UBE2G1: variants seen among roughly 807,000 people sequenced by gnomAD.
UBE2G1 encodes ubiquitin conjugating enzyme E2 G1.
In UBE2G1, 5 loss-of-function variants were observed where a neutral mutation model predicts 22.7. The ratio of observed to expected loss-of-function variants is 0.22; its 90% CI spans 0.12 to 0.46. The LOEUF (loss-of-function observed/expected upper bound fraction) is 0.46, where lower values mean the gene tolerates loss of function less well. Ranked by LOEUF, UBE2G1 falls within the 20% of genes least tolerant of loss-of-function variation. UBE2G1 has a pLI of 0.99. For missense variants in UBE2G1, 88 were observed against 203.9 expected, an observed-to-expected ratio of 0.43 and a Z score of 3.46; for synonymous variants, 74 against 67.5, an observed-to-expected ratio of 1.10 and a Z score of -0.47.
At position 4,340,607 on chromosome 17, in the gene UBE2G1, T is replaced by C. The variant is rs1175179403; in HGVS notation, c.46+25664A>G. 2.6e-5 allele frequency among the ~76,000 whole-genome samples: 4 copies of C among 152,174 alleles called. No homozygotes were observed. The South Asian group carries it at 6.2e-4, about 24-fold the overall frequency. ...TGCACTTCTCTCTCCTGCCGCCATG[T>C]TGAAGAAGGATGTTTGCTTCCCTTT... is the stretch of plus-strand genomic sequence containing the variant. On this transcript the variant is annotated intron_variant, in intron 1 of 5. Transcript: ENST00000396981.
rs529730007 is a variant in UBE2G1 at position 4,280,614 on chromosome 17, G to T, written c.*37+2184C>A. Among the ~76,000 whole-genome samples, 51 of 151,164 alleles carry T rather than the reference G, an allele frequency of 3.4e-4. No individual in the cohort carries two copies. The South Asian group carries it at 9.8e-3, about 29-fold the overall frequency. The stretch of plus-strand genomic sequence containing the variant: ...AACCTCCCAAAATGCTGGGTTACAG[G>T]CATGAGCCACCATGCCCGGCTGGGA... On this transcript the variant is annotated intron_variant, in intron 5 of 5. Coordinates refer to ENST00000396981, the MANE Select transcript of UBE2G1 (RefSeq NM_003342.5).
At chr17:4,336,954 A>C (rs1969655193) in intron 1 of UBE2G1, among the ~76,000 whole-genome samples, 1 of 152,164 alleles carries the variant, frequency 6.6e-6, no homozygotes, top group African/African-American at 2.4e-5. Flanking sequence ...AACACCTCAA[A>C]AATTTCAGGA....
chr17:4,288,362 G>A (rs987112550), intron 4 of UBE2G1, among the ~76,000 whole-genome samples: 1 of 152,006 alleles, frequency 6.6e-6, no homozygotes, highest in Non-Finnish European at 1.5e-5. Context: ...GAGTAGCTGG[G>A]ACTATAGGCG....
chr17:4,335,732 T>C (rs559359517), intron 1 of UBE2G1, among the ~76,000 whole-genome samples: 1 of 152,268 alleles, frequency 6.6e-6, no homozygotes, highest in East Asian at 1.9e-4. Context: ...ATTAATGGTA[T>C]ACAAAATAAC....
At chr17:4,291,224 G>A (rs1480211260) in intron 3 of UBE2G1, among the ~76,000 whole-genome samples, 5 of 152,172 alleles carry the variant, frequency 3.3e-5, no homozygotes, top group African/African-American at 7.2e-5. Context: ...GCTGGCTGTT[G>A]TGGCACATGC....
intron 1 of UBE2G1, among the ~76,000 whole-genome samples, chr17:4,309,825 A>C (rs1294024204): frequency 6.6e-6 from 1 of 152,198 alleles, no homozygotes; most frequent in Non-Finnish European, 1.5e-5. Flanking sequence ...GTAAGCTCTG[A>C]AATTAGTATA....
At chr17:4,337,619 C>G (rs1969664400) in intron 1 of UBE2G1, among the ~76,000 whole-genome samples, 1 of 149,358 alleles carries the variant, frequency 6.7e-6, no homozygotes, top group Admixed American at 6.7e-5. Context: ...CGCCACTGCA[C>G]TCCAGCCTGG....
intron 5 of UBE2G1, among the ~76,000 whole-genome samples, chr17:4,274,152 T>C (rs1316365791): frequency 6.7e-6 from 1 of 150,372 alleles, no homozygotes; most frequent in Non-Finnish European, 1.5e-5. Context: ...GGCTAATTTA[T>C]TGTATTTTTA....
intron 3 of UBE2G1, among the ~76,000 whole-genome samples, chr17:4,296,149 G>C (rs760672363): frequency 6.6e-6 from 1 of 151,952 alleles, no homozygotes; most frequent in Non-Finnish European, 1.5e-5. Context: ...AATTATAGGA[G>C]TTCTATTGAT....
At chr17:4,274,230 C>T (rs1216696469) in intron 5 of UBE2G1, among the ~76,000 whole-genome samples, 1 of 125,654 alleles carries the variant, frequency 8.0e-6, no homozygotes. Flanking sequence ...CAGAGTCTTG[C>T]TCTGTCGCCC....
At chr17:4,360,938 C>A (rs894087931) in intron 1 of UBE2G1, among the ~76,000 whole-genome samples, 2 of 151,968 alleles carry the variant, frequency 1.3e-5, no homozygotes, top group East Asian at 1.9e-4. Context: ...ATGCAATAGA[C>A]GGGCTGGGCG....
chr17:4,328,283 C>T (rs1465200518), intron 1 of UBE2G1, among the ~76,000 whole-genome samples: 2 of 152,070 alleles, frequency 1.3e-5, no homozygotes, highest in Non-Finnish European at 2.9e-5. Context: ...ATGAGAAATG[C>T]TTTTCACAAG....
chr17:4,281,016 TG>T (rs1188096107), intron 5 of UBE2G1, among the ~76,000 whole-genome samples: 1 of 152,146 alleles, frequency 6.6e-6, no homozygotes, highest in African/African-American at 2.4e-5. Context: ...CTACTCAAAA[TG>T]AAATACGCGT....
At chr17:4,285,900 G>A (rs551511243) in intron 4 of UBE2G1, among the ~76,000 whole-genome samples, 1 of 151,518 alleles carries the variant, frequency 6.6e-6, no homozygotes, top group Non-Finnish European at 1.5e-5. Flanking sequence ...GCAGTGAGCT[G>A]AGATTGCACC....
chr17:4,348,292 G>A (rs534972044), intron 1 of UBE2G1, among the ~76,000 whole-genome samples: 3 of 152,024 alleles, frequency 2.0e-5, no homozygotes, highest in South Asian at 2.1e-4. Context: ...GGTGGCTCAC[G>A]CCTGTAATCC....
intron 4 of UBE2G1, among the ~76,000 whole-genome samples, chr17:4,288,201 A>C (rs143946431): frequency 2.2e-3 from 330 of 152,318 alleles, no homozygotes; most frequent in African/African-American, 7.5e-3. Context: ...AAACTTTTGA[A>C]AATTGAAAAC....
At chr17:4,319,516 C>G (rs1385452217) in intron 1 of UBE2G1, among the ~76,000 whole-genome samples, 1 of 152,128 alleles carries the variant, frequency 6.6e-6, no homozygotes, top group Non-Finnish European at 1.5e-5. Flanking sequence ...CAAGTAGATG[C>G]TTGAACCCAG....
In UBE2G1 at chr17:4,273,583, C is replaced by A. The variant is rs187777466; in HGVS notation, c.*38-1067G>T. Reference sequence around the variant, plus strand: ...GGTCTTGAACTACAGGCTCAAGCAACGCTGCCACCTCGGCCTCCCAAAGTG... The same window carrying A: ...GGTCTTGAACTACAGGCTCAAGCAAAGCTGCCACCTCGGCCTCCCAAAGTG... On this transcript the variant is annotated intron_variant, in intron 5 of 5. Transcript: ENST00000396981. Among the ~76,000 whole-genome samples, 115 of 152,150 alleles carry A rather than the reference C, an allele frequency of 7.6e-4. 3 individuals are homozygous for A. In the East Asian group the frequency reaches 0.015, roughly 20 times the overall value.
At chr17:4,343,747 C>G (rs1261256914) in intron 1 of UBE2G1, among the ~76,000 whole-genome samples, 1 of 151,946 alleles carries the variant, frequency 6.6e-6, no homozygotes, top group Non-Finnish European at 1.5e-5. Context: ...CACCACCACG[C>G]CCGGCTAATT....
Sources: allele counts gnomAD v4.1 joint callset (sites outside exome capture counted in the v4.1 genomes callset), GRCh38; gene constraint gnomAD v4.1.1; transcripts MANE v1.5; gene names NCBI Gene and HGNC (gene_info 2026-07-23, HGNC 2026-07-21).